The following RAB27A variants were observed in gnomAD, a reference collection of about 807,000 sequenced individuals.
RAB27A encodes RAB27A, member RAS oncogene family.
A neutral mutation model predicts 20.8 loss-of-function variants in RAB27A; 17 were observed. That is an observed-to-expected ratio of 0.82 (90% CI 0.56 to 1.23). RAB27A has a LOEUF of 1.23. Among genes scored for constraint, RAB27A ranks in the 50% most tolerant of loss-of-function variants. RAB27A has a pLI of 0.00. For synonymous variants in RAB27A, 85 were observed against 92.8 expected (o/e 0.92, Z 0.48); for missense variants, 277 against 266.7 (o/e 1.04, Z -0.27).
intron 2 of RAB27A, among the ~76,000 whole-genome samples, chr15:55,269,322 T>C (rs1057222682): frequency 6.6e-6 from 1 of 152,230 alleles, no homozygotes; most frequent in African/African-American, 2.4e-5. Context: ...CTAAAATATA[T>C]GGACATTTCC....
At chr15:55,290,925 T>C (rs1415289238), upstream of RAB27A, among the ~76,000 whole-genome samples, 1 of 152,216 alleles carries the variant, frequency 6.6e-6, no homozygotes, top group Non-Finnish European at 1.5e-5. Context: ...CCACCGCAAA[T>C]TCCAGCTGTC....
At chr15:55,268,865 C>T (rs929345846) in intron 2 of RAB27A, among the ~76,000 whole-genome samples, 1 of 152,154 alleles carries the variant, frequency 6.6e-6, no homozygotes, top group Non-Finnish European at 1.5e-5. Flanking sequence ...CCTCAGAATA[C>T]AATGTTTTTT....
intron 2 of RAB27A, among the ~76,000 whole-genome samples, chr15:55,305,415 G>T (rs1003747543): frequency 2.0e-5 from 3 of 152,274 alleles, no homozygotes; most frequent in Admixed American, 1.3e-4. Flanking sequence ...CTGCATCTGG[G>T]GCTCCATTTG....
intron 2 of RAB27A, among the ~76,000 whole-genome samples, chr15:55,261,231 C>G (rs1411951437): frequency 6.7e-6 from 1 of 150,314 alleles, no homozygotes; most frequent in Non-Finnish European, 1.5e-5. Flanking sequence ...ACCCCCATCT[C>G]TACTAAAATA....
chr15:55,289,950 C>T (rs1898269110), upstream of RAB27A: 1 of 152,176 alleles, frequency 6.6e-6, no homozygotes, highest in Non-Finnish European at 1.5e-5. Context: ...TCGCGCTCTC[C>T]CCGGCGGCCG....
In RAB27A at chr15:55,205,662, T is replaced by C. The variant is rs1338691454; in HGVS notation, c.511A>G (p.Ser171Gly). The change falls in exon 7 of 7, where the codon AGC (serine) becomes GGC (glycine). Residue 171 changes from serine to glycine, a missense_variant. Physicochemically the swap from Ser to Gly is moderately conservative, Grantham distance 56. Transcript: ENST00000336787. ...TCCAGAAGCATCTCAATTGCTTGGC[T>C]TATGTTTGTCCCATTGGCAGCACTA... ...ETSAANGTNI[S>G]QAIEMLLDLI... 1.2e-6 allele frequency: 2 copies of C among 1,614,162 alleles called. No homozygotes were observed. The highest frequency in any genetic ancestry group is 1.3e-5 in the African/African-American group (1 of 75,064).
chr15:55,241,819 A>G (rs1348909957), intron 2 of RAB27A, among the ~76,000 whole-genome samples: 2 of 151,632 alleles, frequency 1.3e-5, no homozygotes, highest in African/African-American at 4.9e-5. Context: ...AAATAAATTT[A>G]TTTAATAAAT....
intron 6 of RAB27A, among the ~76,000 whole-genome samples, chr15:55,208,465 C>T (rs1285212320): frequency 1.3e-5 from 2 of 152,134 alleles, no homozygotes; most frequent in African/African-American, 4.8e-5. Flanking sequence ...ACGGTAGAAA[C>T]AAAGAGCCTA....
intron 6 of RAB27A, among the ~76,000 whole-genome samples, chr15:55,217,811 A>C (rs74668435): frequency 0.045 from 6,846 of 152,068 alleles, 522 homozygotes; most frequent in African/African-American, 0.16. Context: ...AAGACGAAAA[A>C]ATTCAGCACT....
chr15:55,306,229 C>A (rs563820635), intron 2 of RAB27A, among the ~76,000 whole-genome samples: 1 of 152,254 alleles, frequency 6.6e-6, no homozygotes, highest in African/African-American at 2.4e-5. Flanking sequence ...AGAGGTCCTA[C>A]TAAAACGGAA....
intron 2 of RAB27A, among the ~76,000 whole-genome samples, chr15:55,266,309 C>T (rs1897483121): frequency 6.6e-6 from 1 of 152,164 alleles, no homozygotes; most frequent in Admixed American, 6.5e-5. Context: ...AGACTTTCAG[C>T]CTCTAGAACA....
chr15:55,256,514 T>G (rs183201993), intron 2 of RAB27A, among the ~76,000 whole-genome samples: 1 of 152,336 alleles, frequency 6.6e-6, no homozygotes, highest in East Asian at 1.9e-4. Flanking sequence ...TTTAGCTAGA[T>G]AGTGAAGAAT....
intron 6 of RAB27A, among the ~76,000 whole-genome samples, chr15:55,214,202 C>T (rs1274493081): frequency 2.0e-5 from 3 of 152,160 alleles, no homozygotes; most frequent in Non-Finnish European, 4.4e-5. Flanking sequence ...TTTGGGAGGC[C>T]AAGGCGGGCG....
intron 3 of RAB27A, 27 bp from the exon 4 acceptor site, chr15:55,230,513 C>T (rs1035465853): frequency 6.4e-7 from 1 of 1,572,860 alleles, no homozygotes; most frequent in African/African-American, 1.3e-5. Flanking sequence ...AAAGAGAAAA[C>T]AAAAGAGAAC....
chr15:55,219,548 T>A (rs1452459638), intron 6 of RAB27A, among the ~76,000 whole-genome samples: 1 of 152,222 alleles, frequency 6.6e-6, no homozygotes, highest in East Asian at 1.9e-4. Flanking sequence ...AACCCAGACC[T>A]ACTGAATCAG....
At chr15:55,264,296 C>T (rs1385099493) in intron 2 of RAB27A, among the ~76,000 whole-genome samples, 3 of 152,168 alleles carry the variant, frequency 2.0e-5, no homozygotes, top group South Asian at 2.1e-4. Flanking sequence ...GGTGATCAGC[C>T]GGCCTCGGCC....
At chr15:55,307,862 G>A (rs1179868674) in intron 2 of RAB27A, among the ~76,000 whole-genome samples, 1 of 151,620 alleles carries the variant, frequency 6.6e-6, no homozygotes, top group African/African-American at 2.4e-5. Context: ...GTTTTGAAAA[G>A]GCCTGGTCCA....
chr15:55,263,843 G>A (rs1035192998), intron 2 of RAB27A, among the ~76,000 whole-genome samples: 3 of 152,030 alleles, frequency 2.0e-5, no homozygotes. Context: ...TTTGAGGAAC[G>A]ATGTTAGAGT....
intron 2 of RAB27A, among the ~76,000 whole-genome samples, chr15:55,235,900 G>GT (rs1427589860): frequency 6.6e-6 from 1 of 152,168 alleles, no homozygotes; most frequent in Non-Finnish European, 1.5e-5. Context: ...TCTAAGTGAA[G>GT]TAAGTCAGGA....
Sources: allele counts gnomAD v4.1 joint callset (sites outside exome capture counted in the v4.1 genomes callset), GRCh38; gene constraint gnomAD v4.1.1; transcripts MANE v1.5; gene names NCBI Gene and HGNC (gene_info 2026-07-23, HGNC 2026-07-21).